The following RAB8A variants were observed in gnomAD, a reference collection of about 807,000 sequenced individuals.
The protein encoded by RAB8A is RAB8A, member RAS oncogene family.
Under a neutral mutation model 29.2 loss-of-function variants are expected in RAB8A, and 5 were observed. The observed-to-expected ratio is 0.17, with a 90% confidence interval of 0.09 to 0.36. The LOEUF (loss-of-function observed/expected upper bound fraction) is 0.36. Among genes scored for constraint, RAB8A ranks in the 10% least tolerant of loss-of-function variants. The probability of loss-of-function intolerance (pLI) is 1.00; values close to 1 mark genes in which losing one functional copy is unlikely to be tolerated. For synonymous variants in RAB8A, 108 were observed against 99.9 expected (o/e 1.08, Z -0.49); for missense variants, 171 against 272.2 (o/e 0.63, Z 2.62).
At chr19:16,130,047 A>G (rs1213203270) in intron 7 of RAB8A, among the ~76,000 whole-genome samples, 1 of 152,116 alleles carries the variant, frequency 6.6e-6, no homozygotes, top group Non-Finnish European at 1.5e-5. Context: ...CCCAGATGCT[A>G]CAAGTTGTGA....
chr19:16,123,386 T>C (rs2090883378), intron 3 of RAB8A, among the ~76,000 whole-genome samples: 2 of 152,238 alleles, frequency 1.3e-5, no homozygotes, highest in South Asian at 4.1e-4. Context: ...GGTGGGTAGA[T>C]CTCTTGAGGT....
chr19:16,125,648 C>A lies in RAB8A; in HGVS notation c.324+101C>A. On this transcript the variant is annotated intron_variant, in intron 4 of 7. Coordinates refer to ENST00000300935, the MANE Select transcript of RAB8A (RefSeq NM_005370.5). The surrounding 1 kb of genome is among the most constrained non-coding windows in gnomAD (Gnocchi z 5.0). Reference sequence around the variant, plus strand: ...GCCAAGGTGCAGAGACACATACAGGCCACTTGCCCACAGCCTCCTAGTCAG... The same window carrying A: ...GCCAAGGTGCAGAGACACATACAGGACACTTGCCCACAGCCTCCTAGTCAG... 9.2e-7 allele frequency: 1 copy of A among 1,086,912 alleles called. No individual in the cohort carries two copies. Among genetic ancestry groups the A allele is most frequent in the Non-Finnish European group, 1.4e-6 (1 of 723,344 alleles). The allele number at this position is 1,086,912 out of a possible 1,614,324, so 67.3% of individuals were successfully genotyped here.
rs1258480359 is a variant in RAB8A, at chr19:16,113,152, C to G, written c.124+1127C>G. On this transcript the variant is annotated intron_variant, in intron 1 of 7. Coordinates refer to ENST00000300935, the MANE Select transcript of RAB8A (RefSeq NM_005370.5). The stretch of plus-strand genomic sequence containing the variant: ...TCAGTGCCACAAAAGCAGTCCTGGC[C>G]CACAATGAAAAGGTTTGACCCAGGA... 3.3e-5 allele frequency among the ~76,000 whole-genome samples: 5 copies of G among 152,270 alleles called. No individual in the cohort carries two copies. In the East Asian group the frequency reaches 9.7e-4, roughly 29 times the overall value.
rs2090930323 is a variant in RAB8A, at chr19:16,132,462, T to A, written c.*158T>A. The A allele has an allele frequency of 1.6e-6, 1 of 640,724 alleles. No homozygotes were observed. The highest frequency in any genetic ancestry group is 1.8e-5 in the African/African-American group (1 of 54,424). 39.7% of individuals were successfully genotyped at this position (640,724 alleles called of 1,614,324 possible). A position where few individuals can be genotyped will look rare whatever the true frequency, so the allele number is the denominator to read the frequency against. ...AGAATGCAATTGAGAAATCGTTTAT[T>A]TTAGTAACTGTCTGATCTTTTTCAA... On this transcript the variant is annotated 3_prime_UTR_variant, in exon 8 of 8. Transcript: ENST00000300935. This position sits in a 1 kb window ranked among gnomAD's most constrained non-coding sequence, Gnocchi z 5.6.
chr19:16,112,447 C>A, intron 1 of RAB8A: 1 of 190,108 alleles, frequency 5.3e-6, no homozygotes, highest in Non-Finnish European at 1.1e-5. Context: ...TTACTATGTG[C>A]CAAGTGCTTC....
chr19:16,124,995 A>T, intron 3 of RAB8A: 1 of 175,700 alleles, frequency 5.7e-6, no homozygotes, highest in Non-Finnish European at 1.2e-5. Context: ...ATGTCGGGTC[A>T]GGACTTCCTG....
chr19:16,124,930 C>G, intron 3 of RAB8A: 1 of 184,958 alleles, frequency 5.4e-6, no homozygotes, highest in Non-Finnish European at 1.2e-5. Context: ...GCACTCTCGG[C>G]TCCATCTTCA....
intron 7 of RAB8A, among the ~76,000 whole-genome samples, chr19:16,131,591 G>C (rs1380324152): frequency 6.6e-6 from 1 of 151,374 alleles, no homozygotes; most frequent in African/African-American, 2.4e-5. Context: ...AGATGGATGG[G>C]TGGATGGATG....
rs991689446 is a variant in RAB8A, at chr19:16,122,492, G to A, written c.246+682G>A. Reference sequence around the variant, plus strand: ...CATCTCCTGACTTGGAAAAGGGAACGGAGCACAGCACTGTGTCTCGGGCTG... The same window carrying A: ...CATCTCCTGACTTGGAAAAGGGAACAGAGCACAGCACTGTGTCTCGGGCTG... On this transcript the variant is annotated intron_variant, in intron 3 of 7. Coordinates refer to ENST00000300935, the MANE Select transcript of RAB8A (RefSeq NM_005370.5). The surrounding 1 kb of genome is among the most constrained non-coding windows in gnomAD (Gnocchi z 4.7). Among the ~76,000 whole-genome samples the A allele has an allele frequency of 1.1e-3, 167 of 152,292 alleles. No individual in the cohort carries two copies. Among genetic ancestry groups the A allele is most frequent in the African/African-American group, 3.9e-3 (160 of 41,558 alleles).
chr19:16,115,364 A>G (rs1385530901), intron 1 of RAB8A, among the ~76,000 whole-genome samples: 4 of 152,094 alleles, frequency 2.6e-5, no homozygotes, highest in African/African-American at 9.7e-5. Flanking sequence ...TTGAGTGGCT[A>G]TTCATTTTCT....
intron 3 of RAB8A, chr19:16,124,771 C>T (rs962219308): frequency 6.8e-6 from 1 of 148,146 alleles, no homozygotes; most frequent in African/African-American, 2.5e-5. Flanking sequence ...TCAGTTTCCC[C>T]TTGCATCGCA....
At chr19:16,115,606 C>T (rs1192187141) in intron 1 of RAB8A, among the ~76,000 whole-genome samples, 1 of 152,162 alleles carries the variant, frequency 6.6e-6, no homozygotes, top group African/African-American at 2.4e-5. Context: ...GACCCTGTTG[C>T]GCTTTAATAC....
chr19:16,132,671 C>G lies in RAB8A; in HGVS notation c.*367C>G, dbSNP rs2090932171. 1 of 205,238 alleles carries G rather than the reference C, an allele frequency of 4.9e-6. No homozygotes were observed. The highest frequency in any genetic ancestry group is 5.6e-5 in the Admixed American group (1 of 17,976). The allele number at this position is 205,238 out of a possible 1,614,324, so 12.7% of individuals were successfully genotyped here. ...GGCCTCACTGCAACACAAAGCTCCA[C>G]CAGGAGGCTGGTTCACGTCCCCTAC... On this transcript the variant is annotated 3_prime_UTR_variant, in exon 8 of 8. Transcript: ENST00000300935. The surrounding 1 kb of genome is among the most constrained non-coding windows in gnomAD (Gnocchi z 5.6).
rs936651621 is a variant in RAB8A, at chr19:16,122,846, C to G, written c.246+1036C>G. On this transcript the variant is annotated intron_variant, in intron 3 of 7. Transcript: ENST00000300935. This position sits in a 1 kb window ranked among gnomAD's most constrained non-coding sequence, Gnocchi z 4.7. ...TAAAATTAATGTATTTCTTTCCCCC[C>G]ACCTCACAGTTCTCTGGTGGAGGGT... Among the ~76,000 whole-genome samples the G allele has an allele frequency of 1.3e-5, 2 of 152,140 alleles. No homozygotes were observed. Among genetic ancestry groups the G allele is most frequent in the Non-Finnish European group, 2.9e-5 (2 of 68,026 alleles).
rs1291719864 is a variant in RAB8A, at chr19:16,134,102, A to G, written c.*1798A>G. 1.3e-5 allele frequency: 2 copies of G among 152,492 alleles called. No individual in the cohort carries two copies. Among genetic ancestry groups the G allele is most frequent in the African/African-American group, 4.8e-5 (2 of 41,470 alleles). 9.4% of individuals were successfully genotyped at this position (152,492 alleles called of 1,614,324 possible). On this transcript the variant is annotated 3_prime_UTR_variant, in exon 8 of 8. Coordinates refer to ENST00000300935, the MANE Select transcript of RAB8A (RefSeq NM_005370.5). ...GAGAGCTGTACTCACAGCCAAGATC[A>G]CAGCAAAATCAGCAAAGGGAAAAGG...
At chr19:16,120,847 G>A (rs925664411) in intron 2 of RAB8A, among the ~76,000 whole-genome samples, 2 of 151,974 alleles carry the variant, frequency 1.3e-5, no homozygotes, top group African/African-American at 4.8e-5. Context: ...CTGGCCTCAG[G>A]TGATCCACCC....
Position 16,127,765 on chromosome 19 carries a change from A to C in RAB8A, c.414+239A>C. ...GACTTTCAAGACCACAGGAGCGGGG[A>C]ACAGAGCCATAGTTTGATCCCAGCA... On this transcript the variant is annotated intron_variant, in intron 5 of 7. Transcript: ENST00000300935. The surrounding 1 kb of genome is among the most constrained non-coding windows in gnomAD (Gnocchi z 4.8). The C allele has an allele frequency of 1.6e-6, 1 of 608,710 alleles. No individual in the cohort carries two copies. Among genetic ancestry groups the C allele is most frequent in the Non-Finnish European group, 2.9e-6 (1 of 341,858 alleles). The allele number at this position is 608,710 out of a possible 1,614,324, so 37.7% of individuals were successfully genotyped here. A position where few individuals can be genotyped will look rare whatever the true frequency, so the allele number is the denominator to read the frequency against.
At chr19:16,131,369 G>T (rs1019916896) in intron 7 of RAB8A, among the ~76,000 whole-genome samples, 1 of 152,350 alleles carries the variant, frequency 6.6e-6, no homozygotes, top group East Asian at 1.9e-4. Flanking sequence ...TGGATGGATG[G>T]TTGGTTGAAA....
intron 1 of RAB8A, 67 bp from the exon 2 acceptor site, chr19:16,118,159 C>A: frequency 6.9e-7 from 1 of 1,443,948 alleles, no homozygotes; most frequent in South Asian, 1.2e-5. Context: ...AGGTTGGTGG[C>A]GCCCAGCTCA....
Sources: gnomAD v4.1 joint callset for allele counts (sites outside exome capture counted in the v4.1 genomes callset) on GRCh38, gnomAD v4.1.1 for gene constraint, Gnocchi (gnomAD v3.1) non-coding constraint, MANE v1.5 for transcripts, NCBI Gene and HGNC (gene_info 2026-07-23, HGNC 2026-07-21) for gene names.